Variants in AP3M1 observed in about 807,000 individuals in gnomAD.
AP3M1 encodes the protein adaptor related protein complex 3 subunit mu 1.
A neutral mutation model predicts 42.6 loss-of-function variants in AP3M1; 29 were observed. That is an observed-to-expected ratio of 0.68 (90% confidence interval 0.51 to 0.93). The LOEUF (loss-of-function observed/expected upper bound fraction) is 0.93. AP3M1 is among the 40% of genes least tolerant of loss of function. The probability of loss-of-function intolerance (pLI) is 0.00; values close to 1 mark genes in which losing one functional copy is unlikely to be tolerated. For synonymous variants in AP3M1, 178 were observed against 175.3 expected, an observed-to-expected ratio of 1.02 and a Z score of -0.12; for missense variants, 416 against 510.2, an observed-to-expected ratio of 0.82 and a Z score of 1.78.
intron 1 of AP3M1, chr10:74,138,800 A>G (rs1053547826): frequency 1.8e-5 from 3 of 167,118 alleles, no homozygotes; most frequent in African/African-American, 7.3e-5. Flanking sequence ...GCATGGTGGC[A>G]CTTGCCTGTA....
Position 74,123,931 on chromosome 10 carries a change from AAG to A in AP3M1, c.1157-23_1157-22del, listed in dbSNP as rs999488136. ...TAAGCCTGTATCAAAAAGAATGAAAAAGAATAAATTATCATCATCCCAACCAA... is the reference window on the plus strand; with the variant it reads ...TAAGCCTGTATCAAAAAGAATGAAAAAATAAATTATCATCATCCCAACCAA... On this transcript the variant is annotated intron_variant, in intron 8 of 8. Transcript: ENST00000355264. 10 of 1,592,634 alleles carry A rather than the reference AAG, an allele frequency of 6.3e-6. No individual in the cohort carries two copies. In the African/African-American group the frequency reaches 1.3e-4, roughly 21 times the overall value.
chr10:74,123,925 A>G lies in AP3M1; in HGVS notation c.1157-15T>C, dbSNP rs903761159. The G allele has an allele frequency of 6.3e-7, 1 of 1,596,140 alleles. No homozygotes were observed. The highest frequency in any genetic ancestry group is 1.3e-5 in the African/African-American group (1 of 74,628). The stretch of plus-strand genomic sequence containing the variant: ...TACTTTTAAGCCTGTATCAAAAAGA[A>G]TGAAAAAGAATAAATTATCATCATC... On this transcript the variant is annotated splice_polypyrimidine_tract_variant and intron_variant, in intron 8 of 8. Coordinates refer to ENST00000355264, the MANE Select transcript of AP3M1 (RefSeq NM_012095.6).
intron 3 of AP3M1, among the ~76,000 whole-genome samples, chr10:74,135,945 T>C (rs1305975892): frequency 6.6e-6 from 1 of 152,164 alleles, no homozygotes; most frequent in Non-Finnish European, 1.5e-5. Flanking sequence ...TGGTTGACAG[T>C]GGAGTTGGAG....
At chr10:74,130,145 A>G (rs11000882) in intron 4 of AP3M1, 153 bp from the exon 5 acceptor site, 311,155 of 605,550 alleles carry the variant, frequency 0.51, 85,764 homozygotes, top group Middle Eastern at 0.62. Context: ...ATCATAGCTC[A>G]CTGCAGCCTC....
intron 6 of AP3M1, 117 bp downstream of exon 6, chr10:74,128,991 G>A: frequency 8.0e-7 from 1 of 1,249,288 alleles, no homozygotes; most frequent in Admixed American, 2.1e-5. Flanking sequence ...CTCCTGGTGA[G>A]CTATGGTTAA....
chr10:74,138,346 C>A lies in AP3M1; in HGVS notation c.34G>T (p.Gly12Cys). Residue 12 changes from glycine to cysteine, a missense_variant, in exon 2 of 9, where the codon GGT (glycine) becomes TGT (cysteine). Transcript: ENST00000355264. ...CAGTGCTTCTCTAGAAATATGTCAC[C>A]GGAACAGTTTATGAGAAATAGACTG... Reference protein sequence around the residue: ...IHSLFLINCSGDIFLEKHWKS... With the variant: ...IHSLFLINCSCDIFLEKHWKS... 1.9e-6 allele frequency: 3 copies of A among 1,613,974 alleles called. No individual in the cohort carries two copies. The highest frequency in any genetic ancestry group is 2.5e-6 in the Non-Finnish European group (3 of 1,179,960).
At chr10:74,133,900 GC>G in intron 4 of AP3M1, 126 bp downstream of exon 4, 1 of 1,134,658 alleles carries the variant, frequency 8.8e-7, no homozygotes, top group Non-Finnish European at 1.2e-6. Flanking sequence ...TGTTCCGCCT[GC>G]CTTGGCCTCC....
rs1013090558 is a variant in AP3M1 at position 74,123,546 on chromosome 10, G to A, written c.*264C>T. The A allele has an allele frequency of 5.3e-5, 26 of 491,874 alleles. No individual in the cohort carries two copies. The highest frequency in any genetic ancestry group is 4.7e-4 in the African/African-American group (24 of 51,086). The allele number at this position is 491,874 out of a possible 1,614,324, so 30.5% of individuals were successfully genotyped here. On this transcript the variant is annotated 3_prime_UTR_variant, in exon 9 of 9. Transcript: ENST00000355264. ...TTACTGTTACAATGTGCAGCCGCCAGATGGTATCCTCCTATGGAAAAAAAT... is the reference window on the plus strand; with the variant it reads ...TTACTGTTACAATGTGCAGCCGCCAAATGGTATCCTCCTATGGAAAAAAAT...
chr10:74,137,239 C>CAAACA (rs374186440), intron 2 of AP3M1, among the ~76,000 whole-genome samples: 3,110 of 151,248 alleles, frequency 0.021, 73 homozygotes, highest in African/African-American at 0.059. Context: ...GACTCCGTCT[C>CAAACA]AAACAAAACA....
intron 3 of AP3M1, 66 bp from the exon 4 acceptor site, chr10:74,134,230 G>C (rs1554821832): frequency 2.0e-6 from 3 of 1,511,320 alleles, no homozygotes; most frequent in Admixed American, 4.4e-5. Flanking sequence ...TTTATTACTA[G>C]GAAAAAAAAA....
At chr10:74,132,120 C>T (rs1840795628) in intron 4 of AP3M1, among the ~76,000 whole-genome samples, 1 of 151,800 alleles carries the variant, frequency 6.6e-6, no homozygotes. Flanking sequence ...TCACTGCAAC[C>T]TCTGCCTCCC....
Position 74,124,299 on chromosome 10 carries a change from CTT to C in AP3M1, c.1156+79_1156+80del, listed in dbSNP as rs563700064. 5.0e-5 allele frequency: 76 copies of C among 1,508,032 alleles called. No individual in the cohort carries two copies. The African/African-American group carries it at 9.1e-4, about 18-fold the overall frequency. The allele number at this position is 1,508,032 out of a possible 1,614,324, so 93.4% of individuals were successfully genotyped here. On this transcript the variant is annotated intron_variant, in intron 8 of 8. Coordinates refer to ENST00000355264, the MANE Select transcript of AP3M1 (RefSeq NM_012095.6). ...CTACTGCTCTTTCTAGAGAAGGAAACTTTTGTTACTCTTCTAAATGCCTAATA... is the reference window on the plus strand; with the variant it reads ...CTACTGCTCTTTCTAGAGAAGGAAACTTGTTACTCTTCTAAATGCCTAATA...
intron 3 of AP3M1, among the ~76,000 whole-genome samples, chr10:74,134,646 C>T (rs12355771): frequency 0.12 from 17,584 of 152,190 alleles, 1,065 homozygotes; most frequent in Middle Eastern, 0.2. Flanking sequence ...GTCAGCATAC[C>T]CATACGGCTG....
At position 74,138,389 on chromosome 10, in the gene AP3M1, G is replaced by C. The variant is rs1841012521; in HGVS notation, c.-3-7C>G. On this transcript the variant is annotated splice_region_variant and splice_polypyrimidine_tract_variant and intron_variant, in intron 1 of 8. Transcript: ENST00000355264. ...ATAGACTGTGGATCATTTTCTGTTG[G>C]GGCAAAGAAAGGTTTAAATTTATTA... is the stretch of plus-strand genomic sequence containing the variant. 1 of 1,603,442 alleles carries C rather than the reference G, an allele frequency of 6.2e-7. No homozygotes were observed. The highest frequency in any genetic ancestry group is 1.3e-5 in the African/African-American group (1 of 74,226).
intron 6 of AP3M1, among the ~76,000 whole-genome samples, chr10:74,126,643 G>A (rs953822512): frequency 1.3e-5 from 2 of 152,006 alleles, no homozygotes; most frequent in Non-Finnish European, 2.9e-5. Flanking sequence ...GATCACCTGA[G>A]GTCAGGAGTT....
rs753822850 is a variant in AP3M1 at position 74,126,156 on chromosome 10, C to A, written c.1003G>T (p.Val335Phe). The change falls in exon 7 of 9, where the codon GTC becomes TTC. Residue 335 changes from valine to phenylalanine, a missense_variant. Transcript: ENST00000355264. ...PTQGSYTFDP[V>F]TKVLTWDVGK... ...ATTTGAAGTGGCTGTACCTTGGTGA[C>A]TGGATCAAATGTATAGCTGCCTTGT... The A allele has an allele frequency of 3.1e-6, 5 of 1,614,196 alleles. No homozygotes were observed. The South Asian group carries it at 3.3e-5, about 11-fold the overall frequency.
intron 6 of AP3M1, among the ~76,000 whole-genome samples, chr10:74,127,549 C>T (rs1020103103): frequency 6.6e-6 from 1 of 151,736 alleles, no homozygotes; most frequent in Non-Finnish European, 1.5e-5. Flanking sequence ...ATCCCAGCTA[C>T]TTGGGAGGCT....
At chr10:74,144,390 G>C (rs1163733639) in intron 1 of AP3M1, among the ~76,000 whole-genome samples, 1 of 151,916 alleles carries the variant, frequency 6.6e-6, no homozygotes, top group Non-Finnish European at 1.5e-5. Flanking sequence ...TCAGTCTCCT[G>C]AGTAGCTGGG....
Position 74,129,904 on chromosome 10 carries a change from T to C in AP3M1, c.669+3A>G. 3 of 1,607,810 alleles carry C rather than the reference T, an allele frequency of 1.9e-6. No homozygotes were observed. Among genetic ancestry groups the C allele is most frequent in the Non-Finnish European group, 2.6e-6 (3 of 1,174,592 alleles). On this transcript the variant is annotated splice_donor_region_variant and intron_variant, in intron 5 of 8. Coordinates refer to ENST00000355264, the MANE Select transcript of AP3M1 (RefSeq NM_012095.6). ...GGCTATAAAACAGGAGAATAAAACT[T>C]ACCATGAAAGAAAGGGAGAGATCAG...
Sources: gnomAD v4.1 joint callset for allele counts (sites outside exome capture counted in the v4.1 genomes callset) on GRCh38, gnomAD v4.1.1 for gene constraint, MANE v1.5 for transcripts, NCBI Gene and HGNC (gene_info 2026-07-23, HGNC 2026-07-21) for gene names.